ALK: variants seen among roughly 807,000 people sequenced by gnomAD.
ALK encodes ALK tyrosine kinase receptor.
ALK carries 74 observed loss-of-function variants against 163.1 expected under a neutral mutation model. That is an observed-to-expected ratio of 0.45 (90% CI 0.38 to 0.55). ALK has a LOEUF of 0.55. Among genes scored for constraint, ALK ranks in the 20% least tolerant of loss-of-function variants. The pLI is 0.00. For missense variants in ALK, 2,063 were observed against 2,105.3 expected (o/e 0.98, Z 0.39); for synonymous variants, 960 against 843.2 (o/e 1.14, Z -2.40).
At chr2:29,470,953 A>G (rs1002055397) in intron 4 of ALK, among the ~76,000 whole-genome samples, 4 of 152,186 alleles carry the variant, frequency 2.6e-5, no homozygotes, top group Admixed American at 6.6e-5. Flanking sequence ...GAGTTTAAGT[A>G]ATCAGGTTCT....
chr2:29,743,564 G>A (rs150000378), intron 1 of ALK, among the ~76,000 whole-genome samples: 2 of 152,322 alleles, frequency 1.3e-5, no homozygotes, highest in Admixed American at 6.5e-5. Context: ...CCCTGAGGAC[G>A]GATTCCTGTT....
At chr2:29,672,951 GT>G (rs1282774259) in intron 3 of ALK, among the ~76,000 whole-genome samples, 1 of 131,322 alleles carries the variant, frequency 7.6e-6, no homozygotes, top group African/African-American at 3.2e-5. Context: ...TTTTTCATGT[GT>G]TTTTTGGCTG....
At chr2:29,621,062 A>T (rs1196947597) in intron 3 of ALK, among the ~76,000 whole-genome samples, 3 of 152,152 alleles carry the variant, frequency 2.0e-5, no homozygotes, top group Admixed American at 6.5e-5. Flanking sequence ...AGGGGTTGGA[A>T]ATGAGGCTTT....
intron 28 of ALK, among the ~76,000 whole-genome samples, chr2:29,195,798 T>C (rs534616683): frequency 2.1e-4 from 32 of 152,252 alleles, no homozygotes; most frequent in African/African-American, 7.7e-4. Flanking sequence ...TTAGATATCC[T>C]GGCAGAACGA....
At chr2:29,280,704 T>C (rs540280929) in intron 9 of ALK, among the ~76,000 whole-genome samples, 1 of 149,132 alleles carries the variant, frequency 6.7e-6, no homozygotes, top group Non-Finnish European at 1.5e-5. Flanking sequence ...AGGTGGTCCA[T>C]TCTGGGATTG....
intron 1 of ALK, among the ~76,000 whole-genome samples, chr2:29,901,887 T>G (rs1163780246): frequency 6.6e-6 from 1 of 151,772 alleles, no homozygotes; most frequent in Non-Finnish European, 1.5e-5. Flanking sequence ...GAATTAGGGG[T>G]AGGGGGTGTG....
At chr2:29,334,469 C>T (rs1667549396) in intron 5 of ALK, among the ~76,000 whole-genome samples, 1 of 152,166 alleles carries the variant, frequency 6.6e-6, no homozygotes, top group South Asian at 2.1e-4. Flanking sequence ...TGATTTAGAT[C>T]CCTTGTTCTC....
intron 4 of ALK, among the ~76,000 whole-genome samples, chr2:29,436,172 C>T (rs1036742764): frequency 6.6e-5 from 10 of 152,182 alleles, no homozygotes; most frequent in African/African-American, 2.4e-4. Flanking sequence ...GTCTCTACTA[C>T]TTGGCATTCA....
chr2:29,734,940 G>A (rs982926476), intron 1 of ALK, among the ~76,000 whole-genome samples: 1 of 152,092 alleles, frequency 6.6e-6, no homozygotes, highest in Non-Finnish European at 1.5e-5. Flanking sequence ...AGTATGAATT[G>A]TAAATTTAAT....
In ALK at chr2:29,349,399, T is replaced by A. The variant is rs1668046535; in HGVS notation, c.1283-20918A>T. ...AAACTGCTTGTTTGTGATTGCTGCC[T>A]CATAGGCTGAGATTCGTGGGGCAAC... On this transcript the variant is annotated intron_variant, in intron 5 of 28. Transcript: ENST00000389048. Among the ~76,000 whole-genome samples, 2 of 152,200 alleles carry A rather than the reference T, an allele frequency of 1.3e-5. 1 individual carries two copies. Among genetic ancestry groups the A allele is most frequent in the South Asian group, 4.1e-4 (2 of 4,824 alleles).
At chr2:29,389,821 A>G (rs4302183) in intron 4 of ALK, among the ~76,000 whole-genome samples, 150,296 of 152,230 alleles carry the variant, frequency 0.99, 74,228 homozygotes, top group Middle Eastern at 1. Context: ...CATTATTACT[A>G]CATAGCTCAT....
At chr2:29,411,781 C>A (rs981531881) in intron 4 of ALK, among the ~76,000 whole-genome samples, 1 of 152,216 alleles carries the variant, frequency 6.6e-6, no homozygotes, top group African/African-American at 2.4e-5. Context: ...TCTAGGAGCT[C>A]CTCAATGTCA....
intron 5 of ALK, among the ~76,000 whole-genome samples, chr2:29,355,090 A>T (rs182733749): frequency 3.8e-4 from 58 of 152,286 alleles, no homozygotes; most frequent in African/African-American, 1.3e-3. Context: ...TGTGACAAGA[A>T]TGGATACCTG....
chr2:29,706,270 G>A (rs1345225408), intron 2 of ALK, among the ~76,000 whole-genome samples: 1 of 152,234 alleles, frequency 6.6e-6, no homozygotes, highest in Non-Finnish European at 1.5e-5. Context: ...CAGGGGGCCT[G>A]ACTTCCAGCC....
intron 4 of ALK, among the ~76,000 whole-genome samples, chr2:29,499,848 C>A (rs1264507735): frequency 6.6e-6 from 1 of 152,136 alleles, no homozygotes; most frequent in Non-Finnish European, 1.5e-5. Flanking sequence ...CAGGCCCTTT[C>A]TCTTGTCACC....
At chr2:29,916,682 A>G (rs1033942185) in intron 1 of ALK, among the ~76,000 whole-genome samples, 1 of 152,286 alleles carries the variant, frequency 6.6e-6, no homozygotes, top group Non-Finnish European at 1.5e-5. Flanking sequence ...TCATGTATCC[A>G]CTTTCCTGGG....
At chr2:29,307,649 C>A (rs1025325033) in intron 8 of ALK, among the ~76,000 whole-genome samples, 8 of 152,200 alleles carry the variant, frequency 5.3e-5, no homozygotes, top group African/African-American at 1.7e-4. Context: ...TGACTCACTG[C>A]AAAATCCAGT....
chr2:29,426,917 A>C (rs371841865), intron 4 of ALK, among the ~76,000 whole-genome samples: 2 of 151,820 alleles, frequency 1.3e-5, no homozygotes, highest in East Asian at 1.9e-4. Flanking sequence ...GTGCGCCTGT[A>C]GTCCCAGCTA....
chr2:29,408,607 T>A (rs1219687157), intron 4 of ALK, among the ~76,000 whole-genome samples: 1 of 152,252 alleles, frequency 6.6e-6, no homozygotes, highest in Non-Finnish European at 1.5e-5. Flanking sequence ...TTTATTTCTC[T>A]TTTAAAAGAG....
Sources: gnomAD v4.1 joint callset for allele counts (sites outside exome capture counted in the v4.1 genomes callset) on GRCh38, gnomAD v4.1.1 for gene constraint, MANE v1.5 for transcripts, NCBI Gene and HGNC (gene_info 2026-07-23, HGNC 2026-07-21) for gene names.